Variants in BMPR1B observed in about 807,000 individuals in gnomAD.
The protein encoded by BMPR1B is bone morphogenetic protein receptor type-1B.
Under a neutral mutation model 59.1 loss-of-function variants are expected in BMPR1B, and 12 were observed. The ratio of observed to expected loss-of-function variants is 0.20; its 90% confidence interval spans 0.13 to 0.33. The LOEUF (loss-of-function observed/expected upper bound fraction) is 0.33, where lower values mean the gene tolerates loss of function less well. Among genes scored for constraint, BMPR1B ranks in the 10% least tolerant of loss-of-function variants. The pLI is 1.00. For synonymous variants in BMPR1B, 237 were observed against 207.3 expected (o/e 1.14, Z -1.23); for missense variants, 550 against 610.9 (o/e 0.90, Z 1.05).
chr4:94,840,643 T>G (rs1420883533), intron 1 of BMPR1B, among the ~76,000 whole-genome samples: 1 of 146,064 alleles, frequency 6.8e-6, no homozygotes, highest in African/African-American at 2.6e-5. Flanking sequence ...TTTGTATTGG[T>G]TATTGTAGTT....
intron 2 of BMPR1B, among the ~76,000 whole-genome samples, chr4:94,928,357 A>G (rs1457158845): frequency 2.6e-5 from 4 of 151,770 alleles, no homozygotes; most frequent in Admixed American, 2.0e-4. Flanking sequence ...AATCTTCCGA[A>G]TGGGTGTGTG....
In BMPR1B at chr4:95,013,973, A is replaced by G. The variant is rs541663010; in HGVS notation, c.-18+17839A>G. Among the ~76,000 whole-genome samples, 5 of 152,274 alleles carry G rather than the reference A, an allele frequency of 3.3e-5. No homozygotes were observed. In the East Asian group the frequency reaches 9.6e-4, roughly 29 times the overall value. Reference sequence around the variant, plus strand: ...GATCCAAGTGGCACATTTGCTTAGTAGTGGTTTCTTGATACAGTGTTTTAA... The same window carrying G: ...GATCCAAGTGGCACATTTGCTTAGTGGTGGTTTCTTGATACAGTGTTTTAA... On this transcript the variant is annotated intron_variant, in intron 3 of 12. Coordinates refer to ENST00000515059, the MANE Select transcript of BMPR1B (RefSeq NM_001203.3).
intron 2 of BMPR1B, among the ~76,000 whole-genome samples, chr4:94,911,401 A>C (rs1213235900): frequency 1.3e-5 from 2 of 152,132 alleles, no homozygotes; most frequent in Non-Finnish European, 2.9e-5. Context: ...GTTGGCTGAC[A>C]GGAACAGAGG....
intron 3 of BMPR1B, among the ~76,000 whole-genome samples, chr4:95,044,455 C>T (rs574632988): frequency 6.6e-6 from 1 of 152,300 alleles, no homozygotes; most frequent in Admixed American, 6.5e-5. Flanking sequence ...AGAAGGTCAG[C>T]CCTTATCACA....
chr4:94,783,366 C>T (rs904961433), intron 1 of BMPR1B, among the ~76,000 whole-genome samples: 3 of 152,108 alleles, frequency 2.0e-5, no homozygotes, highest in Non-Finnish European at 2.9e-5. Flanking sequence ...TAGTTTATGT[C>T]TCTCATGGAT....
chr4:94,983,041 G>T (rs890586238), intron 2 of BMPR1B, among the ~76,000 whole-genome samples: 5 of 151,540 alleles, frequency 3.3e-5, no homozygotes, highest in Admixed American at 2.0e-4. Context: ...ACTAAAGATT[G>T]TTCTTAACCA....
intron 1 of BMPR1B, among the ~76,000 whole-genome samples, chr4:94,814,909 TA>T (rs1415531911): frequency 1.3e-5 from 2 of 152,144 alleles, no homozygotes; most frequent in African/African-American, 2.4e-5. Context: ...TCTTTTCCTT[TA>T]TTTTTTTTTT....
chr4:94,954,175 C>T (rs542541964), intron 2 of BMPR1B, among the ~76,000 whole-genome samples: 18 of 152,164 alleles, frequency 1.2e-4, no homozygotes, highest in East Asian at 1.9e-4. Context: ...AGATGAAGTG[C>T]GTGTTTTCAT....
chr4:94,922,155 G>A lies in BMPR1B; in HGVS notation c.-113+46255G>A, dbSNP rs1728713356. On this transcript the variant is annotated intron_variant, in intron 2 of 12. Coordinates refer to ENST00000515059, the MANE Select transcript of BMPR1B (RefSeq NM_001203.3). Reference sequence around the variant, plus strand: ...ACCCTCTTAATTTCTTTTTTCTTATGTAGAGAAGGGAGTCTTCCAGTGTTG... The same window carrying A: ...ACCCTCTTAATTTCTTTTTTCTTATATAGAGAAGGGAGTCTTCCAGTGTTG... 2.0e-5 allele frequency among the ~76,000 whole-genome samples: 3 copies of A among 151,922 alleles called. No individual in the cohort carries two copies. In the South Asian group the frequency reaches 6.2e-4, roughly 32 times the overall value.
At chr4:95,070,186 G>A (rs934921519) in intron 3 of BMPR1B, among the ~76,000 whole-genome samples, 1 of 152,138 alleles carries the variant, frequency 6.6e-6, no homozygotes, top group Non-Finnish European at 1.5e-5. Context: ...AGGAAGGTAG[G>A]GATAGAGAAT....
At chr4:95,050,410 A>G (rs919137304) in intron 3 of BMPR1B, among the ~76,000 whole-genome samples, 1 of 152,180 alleles carries the variant, frequency 6.6e-6, no homozygotes, top group African/African-American at 2.4e-5. Flanking sequence ...ATTTCATGAA[A>G]GTACTTAGGA....
At chr4:95,056,221 T>G (rs1374831779) in intron 3 of BMPR1B, among the ~76,000 whole-genome samples, 1 of 152,130 alleles carries the variant, frequency 6.6e-6, no homozygotes, top group Non-Finnish European at 1.5e-5. Context: ...AATAGAGACT[T>G]TGTCTATATT....
chr4:94,841,534 A>G (rs984871199), intron 1 of BMPR1B, among the ~76,000 whole-genome samples: 7 of 152,102 alleles, frequency 4.6e-5, no homozygotes, highest in Non-Finnish European at 7.4e-5. Context: ...TCCAGGTGCC[A>G]TCCGTCACCC....
At chr4:95,115,608 CTATTTT>C (rs1463116574) in intron 5 of BMPR1B, 71 bp from the exon 6 acceptor site, 2 of 1,223,054 alleles carry the variant, frequency 1.6e-6, no homozygotes, top group African/African-American at 3.0e-5. Context: ...TAAATAGTGA[CTATTTT>C]TAAAGTTTTA....
intron 1 of BMPR1B, among the ~76,000 whole-genome samples, chr4:94,769,927 T>C (rs961140492): frequency 6.6e-6 from 1 of 152,212 alleles, no homozygotes; most frequent in Admixed American, 6.5e-5. Flanking sequence ...TTAGCTTCTT[T>C]TCTTCACTTC....
chr4:95,068,371 T>A (rs181549613), intron 3 of BMPR1B, among the ~76,000 whole-genome samples: 1 of 152,246 alleles, frequency 6.6e-6, no homozygotes, highest in Non-Finnish European at 1.5e-5. Context: ...ACATTGGGCA[T>A]CTGTGTGTAC....
intron 2 of BMPR1B, among the ~76,000 whole-genome samples, chr4:94,944,254 G>A (rs1360983670): frequency 6.6e-6 from 1 of 151,884 alleles, no homozygotes; most frequent in East Asian, 1.9e-4. Flanking sequence ...ACCTATAGTA[G>A]GAAATATTTA....
At chr4:95,030,354 C>A (rs1724743803) in intron 3 of BMPR1B, among the ~76,000 whole-genome samples, 1 of 152,100 alleles carries the variant, frequency 6.6e-6, no homozygotes, top group African/African-American at 2.4e-5. Context: ...GTTTTCCCAG[C>A]ACCATTTATT....
intron 1 of BMPR1B, among the ~76,000 whole-genome samples, chr4:94,814,587 G>T (rs1219433985): frequency 6.6e-6 from 1 of 152,082 alleles, no homozygotes; most frequent in Non-Finnish European, 1.5e-5. Flanking sequence ...GATAATATAA[G>T]TATTATAATG....
Sources: gnomAD v4.1 joint callset for allele counts (sites outside exome capture counted in the v4.1 genomes callset) on GRCh38, gnomAD v4.1.1 for gene constraint, MANE v1.5 for transcripts, NCBI Gene and HGNC (gene_info 2026-07-23, HGNC 2026-07-21) for gene names.